GPD2: variants seen among roughly 807,000 people sequenced by gnomAD.
GPD2 encodes the protein glycerol-3-phosphate dehydrogenase, mitochondrial.
A neutral mutation model predicts 82.4 loss-of-function variants in GPD2; 54 were observed. The observed-to-expected ratio is 0.66, with a 90% CI of 0.53 to 0.82. The LOEUF (loss-of-function observed/expected upper bound fraction) is 0.82, where lower values mean the gene tolerates loss of function less well. GPD2 is among the 40% of genes least tolerant of loss of function. GPD2 has a pLI of 0.00. For missense variants in GPD2, 748 were observed against 896.2 expected (o/e 0.83, Z 2.11); for synonymous variants, 288 against 306.1 (o/e 0.94, Z 0.62).
At chr2:156,409,899 G>T in the GPD2 span, among the ~76,000 whole-genome samples, 4 of 152,006 alleles carry the variant, frequency 2.6e-5, no homozygotes, top group Admixed American at 6.6e-5. Context: ...CACCAGCCTG[G>T]GTCAACACAG....
intron 2 of GPD2, among the ~76,000 whole-genome samples, chr2:156,488,913 A>C (rs1332064099): frequency 6.6e-6 from 1 of 152,234 alleles, no homozygotes; most frequent in African/African-American, 2.4e-5. Context: ...AAGTATTATT[A>C]CATATTAGAT....
chr2:156,431,521 A>G (rs1365451280), upstream of GPD2, among the ~76,000 whole-genome samples: 1 of 152,106 alleles, frequency 6.6e-6, no homozygotes, highest in Non-Finnish European at 1.5e-5. Context: ...GAGCTGGCAT[A>G]GTAATTACTG....
At chr2:156,538,038 A>G (rs569528960) in intron 6 of GPD2, among the ~76,000 whole-genome samples, 232 of 152,344 alleles carry the variant, frequency 1.5e-3, no homozygotes, top group Non-Finnish European at 2.6e-3. Flanking sequence ...TTGCAATTTG[A>G]CATTATTTTA....
At chr2:156,541,386 T>G (rs1013358295) in intron 6 of GPD2, among the ~76,000 whole-genome samples, 3 of 152,184 alleles carry the variant, frequency 2.0e-5, no homozygotes, top group African/African-American at 7.2e-5. Flanking sequence ...TCCTCCACAT[T>G]AGGTAAATTT....
At chr2:156,404,525 T>C in the GPD2 span, among the ~76,000 whole-genome samples, 4 of 151,908 alleles carry the variant, frequency 2.6e-5, no homozygotes, top group African/African-American at 7.3e-5. Flanking sequence ...GGATGTGATA[T>C]AGACTAATAA....
chr2:156,425,498 A>G, the GPD2 span, among the ~76,000 whole-genome samples: 2 of 152,144 alleles, frequency 1.3e-5, no homozygotes, highest in Non-Finnish European at 2.9e-5. Context: ...CTTCTGTGAC[A>G]GTGTTGTTGA....
chr2:156,496,504 A>C (rs547736477), intron 3 of GPD2, among the ~76,000 whole-genome samples: 1 of 152,224 alleles, frequency 6.6e-6, no homozygotes, highest in African/African-American at 2.4e-5. Context: ...TTCTCCCAGT[A>C]AATACACAAT....
At chr2:156,503,845 A>G (rs1046819356) in intron 3 of GPD2, among the ~76,000 whole-genome samples, 1 of 152,138 alleles carries the variant, frequency 6.6e-6, no homozygotes, top group African/African-American at 2.4e-5. Flanking sequence ...TTACATCATT[A>G]TCTTTTTTTG....
intron 11 of GPD2, among the ~76,000 whole-genome samples, chr2:156,569,836 A>G (rs191395544): frequency 1.6e-4 from 24 of 152,268 alleles, no homozygotes; most frequent in African/African-American, 5.1e-4. Context: ...CAGAAGTGGT[A>G]TCAGGAGCAA....
chr2:156,549,775 A>G lies in GPD2; in HGVS notation c.826+3A>G. 1 of 1,609,802 alleles carries G rather than the reference A, an allele frequency of 6.2e-7. No homozygotes were observed. Among genetic ancestry groups the G allele is most frequent in the Non-Finnish European group, 8.5e-7 (1 of 1,176,160 alleles). ...ACGGTGCAAGGATGTCCTCACAGGT[A>G]TGCCAGGTATCTGGGAGGGAGGTAT... On this transcript the variant is annotated splice_donor_region_variant and intron_variant, in intron 7 of 16. Transcript: ENST00000438166.
At chr2:156,511,060 A>G in intron 4 of GPD2, 140 bp downstream of exon 4, 1 of 800,204 alleles carries the variant, frequency 1.2e-6, no homozygotes, top group East Asian at 2.5e-5. Context: ...CTGCTGGAAT[A>G]TCTTTCAGGA....
intron 1 of GPD2, among the ~76,000 whole-genome samples, chr2:156,461,577 A>G (rs556213161): frequency 2.8e-4 from 42 of 152,062 alleles, no homozygotes; most frequent in African/African-American, 9.9e-4. Context: ...ACAGGGTCTC[A>G]CTATGTTACC....
intron 6 of GPD2, among the ~76,000 whole-genome samples, chr2:156,528,422 T>C (rs1685694779): frequency 1.3e-5 from 2 of 150,102 alleles, no homozygotes; most frequent in Admixed American, 1.3e-4. Context: ...TTTTTTCTTT[T>C]ATTTATTTAT....
chr2:156,491,252 G>A (rs1184414639), intron 2 of GPD2, among the ~76,000 whole-genome samples: 2 of 152,208 alleles, frequency 1.3e-5, no homozygotes, highest in African/African-American at 4.8e-5. Flanking sequence ...ACAGGGATTA[G>A]TAGACTTTTC....
intron 8 of GPD2, among the ~76,000 whole-genome samples, chr2:156,554,953 G>A (rs1686905390): frequency 6.6e-6 from 1 of 152,280 alleles, no homozygotes; most frequent in East Asian, 1.9e-4. Context: ...TAAATTAGCA[G>A]CAAGCTTTTC....
At chr2:156,406,135 G>A in the GPD2 span, among the ~76,000 whole-genome samples, 3 of 151,714 alleles carry the variant, frequency 2.0e-5, no homozygotes, top group Admixed American at 6.6e-5. Flanking sequence ...CTAGGGAAAC[G>A]GTGGAGCCAG....
intron 8 of GPD2, 45 bp from the exon 9 acceptor site, chr2:156,557,344 A>G: frequency 8.4e-7 from 1 of 1,195,842 alleles, no homozygotes; most frequent in Non-Finnish European, 1.2e-6. Flanking sequence ...TTAATGTTAA[A>G]CTTCTGGGAT....
intron 6 of GPD2, among the ~76,000 whole-genome samples, chr2:156,523,053 G>A (rs1380531166): frequency 6.6e-6 from 1 of 152,030 alleles, no homozygotes; most frequent in African/African-American, 2.4e-5. Flanking sequence ...CCTCACTGCA[G>A]TGAAGCATTC....
Position 156,582,969 on chromosome 2 carries a change from T to G in GPD2, c.*51T>G. On this transcript the variant is annotated 3_prime_UTR_variant, in exon 17 of 17. Coordinates refer to ENST00000438166, the MANE Select transcript of GPD2 (RefSeq NM_000408.5). ...CAAACATAGAAACGACAAATCACCA[T>G]GTAACAACCAGAGATGACTGAAACC... The G allele has an allele frequency of 6.3e-7, 1 of 1,599,916 alleles. No homozygotes were observed. Among genetic ancestry groups the G allele is most frequent in the Non-Finnish European group, 8.6e-7 (1 of 1,168,130 alleles).
Sources: gnomAD v4.1 joint callset for allele counts (sites outside exome capture counted in the v4.1 genomes callset) on GRCh38, gnomAD v4.1.1 for gene constraint, MANE v1.5 for transcripts, NCBI Gene and HGNC (gene_info 2026-07-23, HGNC 2026-07-21) for gene names.